KCNH8: variants seen among roughly 807,000 people sequenced by gnomAD.
KCNH8 encodes voltage-gated delayed rectifier potassium channel KCNH8.
Under a neutral mutation model 103.6 loss-of-function variants are expected in KCNH8, and 70 were observed. The observed-to-expected ratio is 0.68, with a 90% confidence interval of 0.56 to 0.82. The LOEUF (loss-of-function observed/expected upper bound fraction) is 0.82. Ranked by LOEUF, KCNH8 falls within the 40% of genes least tolerant of loss-of-function variation. The pLI is 0.00. For synonymous variants in KCNH8, 498 were observed against 489.4 expected, an observed-to-expected ratio of 1.02 and a Z score of -0.23; for missense variants, 1,217 against 1,329.9, an observed-to-expected ratio of 0.92 and a Z score of 1.32.
intron 2 of KCNH8, among the ~76,000 whole-genome samples, chr3:19,260,912 A>G (rs976975419): frequency 1.1e-4 from 16 of 149,090 alleles, no homozygotes; most frequent in Admixed American, 4.0e-4. Flanking sequence ...TCCAAGTCAC[A>G]TCTATGTTGT....
intron 8 of KCNH8, among the ~76,000 whole-genome samples, chr3:19,446,327 A>G (rs1054105847): frequency 6.6e-6 from 1 of 151,992 alleles, no homozygotes; most frequent in Non-Finnish European, 1.5e-5. Flanking sequence ...CTGATAACAT[A>G]TTCAGTTTCA....
Position 19,467,300 on chromosome 3 carries a change from GACAC to G in KCNH8, c.2040+10342_2040+10345del, listed in dbSNP as rs138481664. On this transcript the variant is annotated intron_variant, in intron 11 of 15. Transcript: ENST00000328405. The stretch of plus-strand genomic sequence containing the variant: ...CCTTTCGCAGATTCATGTATAAGTA[GACAC>G]ACACACACACACACACACACACATG... 8.5e-3 allele frequency among the ~76,000 whole-genome samples: 1,267 copies of G among 148,612 alleles called. 2 individuals are homozygous for G. Among genetic ancestry groups the G allele is most frequent in the Middle Eastern group, 0.014 (4 of 288 alleles).
At chr3:19,213,074 G>T (rs1337583515) in intron 1 of KCNH8, among the ~76,000 whole-genome samples, 2 of 152,092 alleles carry the variant, frequency 1.3e-5, no homozygotes, top group African/African-American at 4.8e-5. Context: ...CTTTGAGCTT[G>T]GAGATCATAG....
chr3:19,478,690 A>G (rs904923610), intron 11 of KCNH8, among the ~76,000 whole-genome samples: 1 of 152,120 alleles, frequency 6.6e-6, no homozygotes, highest in East Asian at 1.9e-4. Flanking sequence ...AAACAACTCC[A>G]GTTATTGCCA....
chr3:19,201,027 TTAG>T (rs2063653474), intron 1 of KCNH8, among the ~76,000 whole-genome samples: 1 of 150,644 alleles, frequency 6.6e-6, no homozygotes, highest in African/African-American at 2.4e-5. Flanking sequence ...AGGTCAGGAG[TTAG>T]TGACCAGCCT....
At chr3:19,163,240 G>A (rs1037142494) in intron 1 of KCNH8, among the ~76,000 whole-genome samples, 8 of 150,692 alleles carry the variant, frequency 5.3e-5, no homozygotes, top group Non-Finnish European at 1.0e-4. Context: ...ATATTATTGT[G>A]TTTAGTGTAC....
At chr3:19,320,550 C>A (rs1214432852) in intron 3 of KCNH8, among the ~76,000 whole-genome samples, 1 of 151,896 alleles carries the variant, frequency 6.6e-6, no homozygotes, top group East Asian at 1.9e-4. Context: ...GGTGGATTAT[C>A]GTTTTGATAT....
At chr3:19,300,604 A>T (rs1008062384) in intron 3 of KCNH8, among the ~76,000 whole-genome samples, 6 of 152,134 alleles carry the variant, frequency 3.9e-5, no homozygotes, top group Non-Finnish European at 5.9e-5. Flanking sequence ...TTAGAAATTT[A>T]ATTTTCAAGG....
At chr3:19,398,735 T>C (rs892316901) in intron 7 of KCNH8, among the ~76,000 whole-genome samples, 2 of 151,960 alleles carry the variant, frequency 1.3e-5, no homozygotes, top group African/African-American at 4.8e-5. Flanking sequence ...AGGCAACATA[T>C]ATAAAGCATT....
intron 8 of KCNH8, among the ~76,000 whole-genome samples, chr3:19,442,412 T>G (rs908738030): frequency 1.3e-5 from 2 of 152,200 alleles, no homozygotes; most frequent in Non-Finnish European, 2.9e-5. Context: ...ATAATTGAGC[T>G]TATTATCTAT....
chr3:19,279,636 C>T (rs1230888430), intron 2 of KCNH8, among the ~76,000 whole-genome samples: 2 of 151,318 alleles, frequency 1.3e-5, no homozygotes, highest in Non-Finnish European at 2.9e-5. Context: ...GAGGAACGAG[C>T]ATATTTTATA....
intron 5 of KCNH8, among the ~76,000 whole-genome samples, chr3:19,353,760 G>C (rs1050186747): frequency 6.6e-6 from 1 of 151,740 alleles, no homozygotes; most frequent in South Asian, 2.1e-4. Context: ...ATTTATGACA[G>C]ACCCACAGCC....
intron 15 of KCNH8, among the ~76,000 whole-genome samples, chr3:19,529,302 TATC>T (rs1281659905): frequency 6.6e-6 from 1 of 152,232 alleles, no homozygotes; most frequent in Non-Finnish European, 1.5e-5. Context: ...TTAATTGACG[TATC>T]TCTTTGCAGT....
At chr3:19,442,262 G>A (rs1271240007) in intron 8 of KCNH8, among the ~76,000 whole-genome samples, 5 of 152,116 alleles carry the variant, frequency 3.3e-5, no homozygotes, top group African/African-American at 1.2e-4. Context: ...TTTCAGCCAA[G>A]CAAAATCACA....
chr3:19,353,287 C>T lies in KCNH8; in HGVS notation c.811+5322C>T, dbSNP rs183405480. The stretch of plus-strand genomic sequence containing the variant: ...AGTCCAGGACAGATGGATTCACAGC[C>T]GAATTCTACCAGAGGTACAAAGAGG... On this transcript the variant is annotated intron_variant, in intron 5 of 15. Transcript: ENST00000328405. Among the ~76,000 whole-genome samples, 221 of 152,158 alleles carry T rather than the reference C, an allele frequency of 1.5e-3. 1 individual carries two copies. The highest frequency in any genetic ancestry group is 5.0e-3 in the African/African-American group (206 of 41,500).
chr3:19,195,935 T>A (rs1238521311), intron 1 of KCNH8, among the ~76,000 whole-genome samples: 1 of 152,042 alleles, frequency 6.6e-6, no homozygotes, highest in Non-Finnish European at 1.5e-5. Context: ...GTTTGCATCT[T>A]CTTCTAGCCT....
At chr3:19,172,245 G>T (rs369349383) in intron 1 of KCNH8, among the ~76,000 whole-genome samples, 78 of 152,004 alleles carry the variant, frequency 5.1e-4, no homozygotes, top group African/African-American at 1.9e-3. Flanking sequence ...AGAGAAAGAG[G>T]GGGGCCTTGT....
intron 10 of KCNH8, among the ~76,000 whole-genome samples, chr3:19,455,949 A>C (rs1306320345): frequency 1.3e-5 from 2 of 152,112 alleles, no homozygotes; most frequent in African/African-American, 2.4e-5. Flanking sequence ...GCTGTATTCA[A>C]AACATTTTGG....
chr3:19,332,898 G>A (rs1406851426), intron 3 of KCNH8, among the ~76,000 whole-genome samples: 1 of 152,158 alleles, frequency 6.6e-6, no homozygotes, highest in Non-Finnish European at 1.5e-5. Flanking sequence ...CTCCCAAAGT[G>A]CTGGGATTAC....
Sources: gnomAD v4.1 joint callset for allele counts (sites outside exome capture counted in the v4.1 genomes callset) on GRCh38, gnomAD v4.1.1 for gene constraint, MANE v1.5 for transcripts, NCBI Gene and HGNC (gene_info 2026-07-23, HGNC 2026-07-21) for gene names.